The following ACOT11 variants were observed in gnomAD, a reference collection of about 807,000 sequenced individuals.
The protein encoded by ACOT11 is acyl-CoA thioesterase 11.
ACOT11 carries 69 observed loss-of-function variants against 77.5 expected under a neutral mutation model. The observed-to-expected ratio is 0.89, with a 90% CI of 0.73 to 1.09. ACOT11 has a LOEUF of 1.09. Among genes scored for constraint, ACOT11 ranks in the 50% least tolerant of loss-of-function variants. The probability of loss-of-function intolerance (pLI) is 0.00; values close to 1 mark genes in which losing one functional copy is unlikely to be tolerated. For synonymous variants in ACOT11, 279 were observed against 313.0 expected, an observed-to-expected ratio of 0.89 and a Z score of 1.15; for missense variants, 766 against 813.7, an observed-to-expected ratio of 0.94 and a Z score of 0.71.
chr1:54,555,254 T>C (rs1084150), intron 1 of ACOT11, among the ~76,000 whole-genome samples: 96,227 of 152,110 alleles, frequency 0.63, 30,706 homozygotes, highest in African/African-American at 0.71. Context: ...CCACCACGTC[T>C]GGCTCTGGTT....
At chr1:54,564,354 C>T (rs1016141571) in intron 1 of ACOT11, among the ~76,000 whole-genome samples, 21 of 152,384 alleles carry the variant, frequency 1.4e-4, no homozygotes, top group African/African-American at 3.1e-4. Context: ...TAACAGCACC[C>T]GGGCTGTGGC....
intron 1 of ACOT11, among the ~76,000 whole-genome samples, chr1:54,558,371 A>T (rs1334253767): frequency 2.0e-5 from 3 of 152,236 alleles, no homozygotes; most frequent in African/African-American, 7.2e-5. Flanking sequence ...TCTGTGAAGT[A>T]GATAATTGTG....
intron 5 of ACOT11, 23 bp from the exon 6 acceptor site, chr1:54,594,533 C>G (rs774313331): frequency 4.4e-6 from 7 of 1,603,704 alleles, no homozygotes; most frequent in African/African-American, 4.0e-5. Context: ...TGAGTGTCCC[C>G]CACCCTGTCC....
intron 15 of ACOT11, among the ~76,000 whole-genome samples, chr1:54,618,752 G>A (rs1342150505): frequency 1.3e-5 from 2 of 152,164 alleles, no homozygotes; most frequent in Non-Finnish European, 2.9e-5. Flanking sequence ...GGAGCTCGCG[G>A]TGGCTGTGTG....
At chr1:54,552,872 G>C (rs1653119815) in intron 1 of ACOT11, among the ~76,000 whole-genome samples, 1 of 148,784 alleles carries the variant, frequency 6.7e-6, no homozygotes, top group Admixed American at 6.8e-5. Context: ...TTGTTGCCCA[G>C]GCTGGAGTGC....
At chr1:54,557,667 C>T (rs190030079) in intron 1 of ACOT11, among the ~76,000 whole-genome samples, 3 of 152,054 alleles carry the variant, frequency 2.0e-5, no homozygotes, top group Admixed American at 2.0e-4. Context: ...TTCCAGATTT[C>T]TTTTTTAGAT....
intron 1 of ACOT11, among the ~76,000 whole-genome samples, chr1:54,563,937 G>C (rs1273875733): frequency 6.6e-6 from 1 of 151,908 alleles, no homozygotes; most frequent in African/African-American, 2.4e-5. Context: ...GTGGAGGCTT[G>C]TGCCTGTAAT....
At chr1:54,582,669 T>C (rs2100976414) in intron 1 of ACOT11, 1 of 320,342 alleles carries the variant, frequency 3.1e-6, no homozygotes, top group East Asian at 1.7e-4. Context: ...TGTTCCCTTG[T>C]TGGTGAAATG....
intron 1 of ACOT11, among the ~76,000 whole-genome samples, chr1:54,577,626 C>T (rs550883036): frequency 9.9e-5 from 15 of 152,044 alleles, no homozygotes; most frequent in South Asian, 4.1e-4. Context: ...CTGCTATGAA[C>T]GTGTATGTGC....
rs148370486 is a variant in ACOT11, at chr1:54,553,481, A to G, written c.33+5139A>G. On this transcript the variant is annotated intron_variant, in intron 1 of 15. Coordinates refer to ENST00000343744, the MANE Select transcript of ACOT11 (RefSeq NM_147161.4). ...AGACTCTGTCTCAAAAAAACATTAA[A>G]AAAAAAAAATGGACAGGTAATATTC... Among the ~76,000 whole-genome samples the G allele has an allele frequency of 2.2e-3, 330 of 152,070 alleles. 1 individual carries two copies. The highest frequency in any genetic ancestry group is 6.4e-3 in the South Asian group (31 of 4,808).
chr1:54,583,724 AATT>A (rs1222952635), intron 1 of ACOT11, among the ~76,000 whole-genome samples: 1 of 152,192 alleles, frequency 6.6e-6, no homozygotes, highest in Non-Finnish European at 1.5e-5. Context: ...GTACTTGTAA[AATT>A]ATGTGACACC....
In ACOT11 at chr1:54,593,922, C is replaced by G; in HGVS notation, c.373-19C>G. The G allele has an allele frequency of 6.2e-7, 1 of 1,609,240 alleles. No individual in the cohort carries two copies. The highest frequency in any genetic ancestry group is 8.5e-7 in the Non-Finnish European group (1 of 1,176,144). Reference sequence around the variant, plus strand: ...GCAATGTTGTTCCTCATTCCTTCGCCCTTACTGTTCCTCTCCAGGTGGGCA... The same window carrying G: ...GCAATGTTGTTCCTCATTCCTTCGCGCTTACTGTTCCTCTCCAGGTGGGCA... On this transcript the variant is annotated intron_variant, in intron 4 of 15. Coordinates refer to ENST00000343744, the MANE Select transcript of ACOT11 (RefSeq NM_147161.4).
chr1:54,607,803 A>T lies in ACOT11; in HGVS notation c.1503-139A>T. ...GCCCTGAGCCCCGCATTGGGGCTTT[A>T]AGAGTCGATGTGCCTTGCATCCCCC... is the stretch of plus-strand genomic sequence containing the variant. On this transcript the variant is annotated intron_variant, in intron 14 of 15. Coordinates refer to ENST00000343744, the MANE Select transcript of ACOT11 (RefSeq NM_147161.4). This position sits in a 1 kb window ranked among gnomAD's most constrained non-coding sequence, Gnocchi z 4.5. 8.5e-7 allele frequency: 1 copy of T among 1,176,492 alleles called. No individual in the cohort carries two copies. Among genetic ancestry groups the T allele is most frequent in the Non-Finnish European group, 1.2e-6 (1 of 837,566 alleles). The allele number at this position is 1,176,492 out of a possible 1,614,324, so 72.9% of individuals were successfully genotyped here. A position where few individuals can be genotyped will look rare whatever the true frequency, so the allele number is the denominator to read the frequency against.
chr1:54,599,911 T>C (rs1379023753), intron 8 of ACOT11, among the ~76,000 whole-genome samples: 3 of 152,264 alleles, frequency 2.0e-5, no homozygotes, highest in Non-Finnish European at 2.9e-5. Context: ...TCAGAGGTCA[T>C]TATTTAATTA....
At chr1:54,617,649 G>A (rs918376078) in intron 15 of ACOT11, among the ~76,000 whole-genome samples, 2 of 142,574 alleles carry the variant, frequency 1.4e-5, no homozygotes, top group Non-Finnish European at 3.0e-5. Context: ...TGTGCACATA[G>A]ATCCCCCAGG....
At chr1:54,599,182 ATATATATATATATATATATATATAT>A (rs1643931628) in intron 7 of ACOT11, 89 bp from the exon 8 acceptor site, 3 of 11,800 alleles carry the variant, frequency 2.5e-4, no homozygotes, top group African/African-American at 1.1e-3. Flanking sequence ...AAAAAAAAAA[ATATATATATATATATATATATATAT>A]ATATATATAT....
Position 54,592,237 on chromosome 1 carries a change from G to T in ACOT11, c.312-309G>T, listed in dbSNP as rs183583522. ...GCAGCGAGGGGTCCCCTGAGGAGGG[G>T]ACCATTGAGCCGAGAGCAAAAAGAA... On this transcript the variant is annotated intron_variant, in intron 3 of 15. Transcript: ENST00000343744. Among the ~76,000 whole-genome samples, 820 of 152,286 alleles carry T rather than the reference G, an allele frequency of 5.4e-3. 9 individuals carry two copies. The highest frequency in any genetic ancestry group is 0.021 in the South Asian group (101 of 4,826).
chr1:54,597,442 C>A (rs1643901214), intron 7 of ACOT11, 27 bp downstream of exon 7: 1 of 1,584,430 alleles, frequency 6.3e-7, no homozygotes, highest in African/African-American at 1.3e-5. Flanking sequence ...CTGCCTCTGC[C>A]TCCCCTCCTT....
Position 54,597,287 on chromosome 1 carries a change from G to A in ACOT11, c.636G>A (p.Met212Ile), listed in dbSNP as rs2304305. The change falls in exon 7 of 16, where the codon ATG becomes ATA. Residue 212 changes from methionine (M) to isoleucine (I), a missense_variant. Coordinates refer to ENST00000343744, the MANE Select transcript of ACOT11 (RefSeq NM_147161.4). ...TGGAGAGCAGAGACTGTAGCCGCAT[G>A]GTGCCGGCTGAGAAGACCCGTGTGG... ...GDLESRDCSR[M>I]VPAEKTRVES... is the part of the protein sequence containing the mutation. The A allele has an allele frequency of 7.5e-3, 12,091 of 1,613,436 alleles. 755 individuals carry two copies. The East Asian group carries it at 0.16, about 21-fold the overall frequency.
Sources: allele counts gnomAD v4.1 joint callset (sites outside exome capture counted in the v4.1 genomes callset), GRCh38; gene constraint gnomAD v4.1.1; non-coding constraint Gnocchi (gnomAD v3.1); transcripts MANE v1.5; gene names NCBI Gene and HGNC (gene_info 2026-07-23, HGNC 2026-07-21).